Variants in SCFD2 observed in about 807,000 individuals in gnomAD.
SCFD2 encodes the protein sec1 family domain containing 2.
In SCFD2, 54 loss-of-function variants were observed where a neutral mutation model predicts 58.9. The observed-to-expected ratio is 0.92, with a 90% CI of 0.74 to 1.15. The LOEUF (loss-of-function observed/expected upper bound fraction) is 1.15, where lower values mean the gene tolerates loss of function less well. Among genes scored for constraint, SCFD2 ranks in the 50% most tolerant of loss-of-function variants. The pLI, the probability that SCFD2 is intolerant of heterozygous loss-of-function variation, is 0.00. For missense variants in SCFD2, 805 were observed against 836.6 expected (o/e 0.96, Z 0.47); for synonymous variants, 321 against 335.9 (o/e 0.96, Z 0.49).
intron 7 of SCFD2, among the ~76,000 whole-genome samples, chr4:52,896,871 C>T (rs562103446): frequency 6.6e-4 from 101 of 152,294 alleles, no homozygotes; most frequent in African/African-American, 2.3e-3. Context: ...TGAAGAGGTC[C>T]TAAACGTCCC....
intron 5 of SCFD2, among the ~76,000 whole-genome samples, chr4:52,961,452 A>G (rs984517046): frequency 4.6e-5 from 7 of 152,178 alleles, no homozygotes; most frequent in African/African-American, 1.7e-4. Flanking sequence ...CTTTTATTTC[A>G]TATCAGCTGT....
At chr4:52,965,397 C>T (rs1720941338) in intron 5 of SCFD2, among the ~76,000 whole-genome samples, 1 of 152,164 alleles carries the variant, frequency 6.6e-6, no homozygotes, top group African/African-American at 2.4e-5. Context: ...TGCCCATTTC[C>T]CCCAGCGGCT....
At chr4:53,070,021 AG>A (rs1723772836) in intron 5 of SCFD2, among the ~76,000 whole-genome samples, 1 of 152,120 alleles carries the variant, frequency 6.6e-6, no homozygotes, top group South Asian at 2.1e-4. Flanking sequence ...TTTTGAGGGA[AG>A]GGGTCGTGTG....
intron 3 of SCFD2, among the ~76,000 whole-genome samples, chr4:53,288,631 G>T (rs957954493): frequency 6.6e-6 from 1 of 152,154 alleles, no homozygotes; most frequent in African/African-American, 2.4e-5. Flanking sequence ...AAAACCGTTA[G>T]TGAAGAATAC....
At chr4:53,351,165 G>C (rs1734208431) in intron 2 of SCFD2, among the ~76,000 whole-genome samples, 1 of 152,206 alleles carries the variant, frequency 6.6e-6, no homozygotes, top group Non-Finnish European at 1.5e-5. Context: ...AACGTAAAAT[G>C]CTTGGAAGTG....
rs530025754 is a variant in SCFD2 at position 53,329,727 on chromosome 4, G to A, written c.1008-15964C>T. ...AGGAACGCAGTTCCTCACCAGCAAC[G>A]GAACAAAGCTGGATGGAGAATGACT... On this transcript the variant is annotated intron_variant, in intron 2 of 8. Transcript: ENST00000401642. 5.3e-3 allele frequency among the ~76,000 whole-genome samples: 811 copies of A among 152,076 alleles called. 7 individuals are homozygous for A. Among genetic ancestry groups the A allele is most frequent in the African/African-American group, 0.018 (746 of 41,492 alleles).
chr4:53,058,822 A>C (rs1723422830), intron 5 of SCFD2, among the ~76,000 whole-genome samples: 1 of 152,186 alleles, frequency 6.6e-6, no homozygotes, highest in African/African-American at 2.4e-5. Context: ...ACCCCAGGAA[A>C]ACTGACAGTA....
chr4:53,294,638 G>A (rs1219795237), intron 3 of SCFD2, among the ~76,000 whole-genome samples: 14 of 152,178 alleles, frequency 9.2e-5, no homozygotes. Context: ...AAGCTCTTTA[G>A]TCTAATTGGA....
intron 4 of SCFD2, among the ~76,000 whole-genome samples, chr4:53,217,337 G>A (rs1015361273): frequency 4.6e-5 from 7 of 152,140 alleles, no homozygotes; most frequent in Admixed American, 3.9e-4. Flanking sequence ...CCCGTGTATT[G>A]GGTGCACATA....
chr4:53,286,836 C>A (rs745970108), intron 3 of SCFD2, among the ~76,000 whole-genome samples: 2 of 152,114 alleles, frequency 1.3e-5, no homozygotes, highest in Non-Finnish European at 2.9e-5. Flanking sequence ...TACCCCCATT[C>A]CTGGGCCCTT....
At chr4:52,931,524 C>T (rs574988776) in intron 5 of SCFD2, among the ~76,000 whole-genome samples, 10 of 152,322 alleles carry the variant, frequency 6.6e-5, no homozygotes, top group Non-Finnish European at 1.0e-4. Flanking sequence ...CACCCCCCTC[C>T]GCCTCCGGGT....
chr4:52,957,157 A>T (rs1373136071), intron 5 of SCFD2: 2 of 152,010 alleles, frequency 1.3e-5, no homozygotes, highest in Admixed American at 1.3e-4. Context: ...TGTAAACATA[A>T]GGGTTGGAAA....
At chr4:53,277,483 T>C (rs993882138) in intron 3 of SCFD2, among the ~76,000 whole-genome samples, 6 of 152,128 alleles carry the variant, frequency 3.9e-5, no homozygotes, top group African/African-American at 1.4e-4. Context: ...TTAATCATGA[T>C]AGTGGTAAGT....
chr4:53,341,882 A>G (rs1174924164), intron 2 of SCFD2, among the ~76,000 whole-genome samples: 1 of 152,220 alleles, frequency 6.6e-6, no homozygotes, highest in African/African-American at 2.4e-5. Context: ...AGGAGAAATA[A>G]AATCCTTTGC....
At chr4:53,064,888 A>T (rs1723613677) in intron 5 of SCFD2, among the ~76,000 whole-genome samples, 1 of 152,150 alleles carries the variant, frequency 6.6e-6, no homozygotes, top group Non-Finnish European at 1.5e-5. Flanking sequence ...TACCTAGCTC[A>T]GTGTCTGGCA....
intron 2 of SCFD2, among the ~76,000 whole-genome samples, chr4:53,331,960 T>C (rs1260399246): frequency 1.3e-5 from 2 of 152,162 alleles, no homozygotes; most frequent in Non-Finnish European, 2.9e-5. Flanking sequence ...CAGAGAATAC[T>C]ACAAACACCT....
intron 6 of SCFD2, among the ~76,000 whole-genome samples, chr4:52,919,311 T>C (rs1019576618): frequency 6.6e-6 from 1 of 152,220 alleles, no homozygotes; most frequent in African/African-American, 2.4e-5. Flanking sequence ...TGTCATCATA[T>C]ATCACTAGTT....
chr4:53,145,578 A>G lies in SCFD2; in HGVS notation c.1316T>C (p.Ile439Thr), dbSNP rs144932832. 165 of 1,608,062 alleles carry G rather than the reference A, an allele frequency of 1.0e-4. 1 individual carries two copies. The highest frequency in any genetic ancestry group is 6.9e-4 in the East Asian group (31 of 44,848). The part of the protein sequence containing the change: ...LAFERLLLQS[I>T]GESAMSVVLN... ...CACAACGGACATTGCTGACTCCCCA[A>G]TGCTCTAAAATAAAAAATGATATGA... is the stretch of plus-strand genomic sequence containing the variant. The change falls in exon 5 of 9, where the codon ATT (isoleucine) becomes ACT (threonine). Residue 439 changes from isoleucine to threonine, a missense_variant. By Grantham distance (89) the Ile-to-Thr change is moderately conservative. Around this residue, in one of 3 missense-constraint regions of SCFD2, gnomAD observed 633 missense variants for 646.8 expected, o/e 0.98. Coordinates refer to ENST00000401642, the MANE Select transcript of SCFD2 (RefSeq NM_152540.4).
In SCFD2 at chr4:53,000,850, T is replaced by C. The variant is rs1577651392; in HGVS notation, c.1562-79980A>G. Among the ~76,000 whole-genome samples, 7 of 152,298 alleles carry C rather than the reference T, an allele frequency of 4.6e-5. No individual in the cohort carries two copies. The South Asian group carries it at 1.5e-3, about 32-fold the overall frequency. ...AGCTCAGGCGGTGAAAAAGGGTCTT[T>C]GCCTACCACTCACTTCCTGGTATAC... On this transcript the variant is annotated intron_variant, in intron 5 of 8. Transcript: ENST00000401642.
Sources: allele counts gnomAD v4.1 joint callset (sites outside exome capture counted in the v4.1 genomes callset), GRCh38; gene constraint gnomAD v4.1.1; regional missense constraint gnomAD v4.1.1; transcripts MANE v1.5; gene names NCBI Gene and HGNC (gene_info 2026-07-23, HGNC 2026-07-21).